Variants in PTPRM observed in about 807,000 individuals in gnomAD.
PTPRM encodes protein tyrosine phosphatase receptor type M, also known as receptor-type tyrosine-protein phosphatase mu.
A neutral mutation model predicts 186.7 loss-of-function variants in PTPRM; 47 were observed. The ratio of observed to expected loss-of-function variants is 0.25; its 90% confidence interval spans 0.20 to 0.32. The LOEUF (loss-of-function observed/expected upper bound fraction) is 0.32. PTPRM is among the 10% of genes least tolerant of loss of function. The pLI, the probability that PTPRM is intolerant of heterozygous loss-of-function variation, is 1.00. For missense variants in PTPRM, 1,494 were observed against 1,865.0 expected, an observed-to-expected ratio of 0.80 and a Z score of 3.66; for synonymous variants, 668 against 674.9, an observed-to-expected ratio of 0.99 and a Z score of 0.16.
chr18:8,269,996 G>T (rs931796523), intron 19 of PTPRM: 1 of 151,556 alleles, frequency 6.6e-6, no homozygotes, highest in African/African-American at 2.4e-5. Context: ...TTGTTTGTTT[G>T]TTTTCTTAGG....
chr18:7,945,782 G>A (rs1188682825), intron 5 of PTPRM, among the ~76,000 whole-genome samples: 3 of 152,018 alleles, frequency 2.0e-5, no homozygotes, highest in Admixed American at 6.6e-5. Context: ...ATGATATAGT[G>A]TGTGCCCCAT....
chr18:7,596,534 T>C (rs908301856), intron 1 of PTPRM, among the ~76,000 whole-genome samples: 8 of 152,200 alleles, frequency 5.3e-5, no homozygotes, highest in African/African-American at 1.9e-4. Flanking sequence ...ATTGTTGTAA[T>C]TGTTCCATTT....
chr18:8,076,198 A>C (rs2089799743), intron 8 of PTPRM, among the ~76,000 whole-genome samples: 1 of 152,132 alleles, frequency 6.6e-6, no homozygotes, highest in Non-Finnish European at 1.5e-5. Context: ...GGAAGAGTAA[A>C]AACGTTTATT....
intron 9 of PTPRM, among the ~76,000 whole-genome samples, chr18:8,082,117 C>G (rs1439992755): frequency 6.6e-6 from 1 of 151,994 alleles, no homozygotes; most frequent in South Asian, 2.1e-4. Context: ...CCCGCTCTCC[C>G]CAGGAGTAGT....
Position 8,353,962 on chromosome 18 carries a change from A to G in PTPRM, c.3054+10442A>G, listed in dbSNP as rs538006148. Among the ~76,000 whole-genome samples, 8 of 152,346 alleles carry G rather than the reference A, an allele frequency of 5.3e-5. No individual in the cohort carries two copies. The South Asian group carries it at 1.4e-3, about 28-fold the overall frequency. On this transcript the variant is annotated intron_variant, in intron 23 of 32. Coordinates refer to ENST00000580170, the MANE Select transcript of PTPRM (RefSeq NM_001105244.2). ...CGCAGTGGCTCACACCTGTAATCCC[A>G]GCACTTTGGGAGGCCGAGGCAGGTG... is the stretch of plus-strand genomic sequence containing the variant.
chr18:8,348,961 A>G (rs1182892004), intron 23 of PTPRM, among the ~76,000 whole-genome samples: 9 of 152,156 alleles, frequency 5.9e-5, no homozygotes, highest in African/African-American at 2.2e-4. Flanking sequence ...AGGGGATGGG[A>G]AGAAACCACC....
At position 8,406,622 on chromosome 18, in the gene PTPRM, A is replaced by T. The variant is rs776148194; in HGVS notation, c.*460A>T. 1.9e-5 allele frequency: 3 copies of T among 158,552 alleles called. No homozygotes were observed. The highest frequency in any genetic ancestry group is 7.2e-5 in the African/African-American group (3 of 41,468). The allele number at this position is 158,552 out of a possible 1,614,324, so 9.8% of individuals were successfully genotyped here. On this transcript the variant is annotated 3_prime_UTR_variant, in exon 33 of 33. Transcript: ENST00000580170. Reference sequence around the variant, plus strand: ...TTAACATGTTGCATAATATATGCTTATGTAGCTTTCCAGGACTAACAGATA... The same window carrying T: ...TTAACATGTTGCATAATATATGCTTTTGTAGCTTTCCAGGACTAACAGATA...
chr18:8,167,366 AG>A (rs1200543548), intron 14 of PTPRM, among the ~76,000 whole-genome samples: 1 of 152,208 alleles, frequency 6.6e-6, no homozygotes, highest in African/African-American at 2.4e-5. Context: ...TCATTGTCAC[AG>A]GGGACCAGGC....
intron 14 of PTPRM, among the ~76,000 whole-genome samples, chr18:8,213,342 A>G (rs773569336): frequency 3.9e-5 from 6 of 152,228 alleles, no homozygotes; most frequent in Non-Finnish European, 7.4e-5. Context: ...CCTTGTCAGC[A>G]TTCTTTTGAT....
At chr18:7,979,083 G>C (rs115525260) in intron 7 of PTPRM, among the ~76,000 whole-genome samples, 2 of 152,070 alleles carry the variant, frequency 1.3e-5, no homozygotes, top group Admixed American at 1.3e-4. Context: ...TGAAGCTATA[G>C]CTGTTGCCAA....
chr18:7,765,632 C>A (rs1655008980), intron 1 of PTPRM, among the ~76,000 whole-genome samples: 1 of 152,012 alleles, frequency 6.6e-6, no homozygotes, highest in Non-Finnish European at 1.5e-5. Flanking sequence ...GCCATTTATT[C>A]TACACAGTTT....
chr18:8,167,900 G>A (rs1279383717), intron 14 of PTPRM, among the ~76,000 whole-genome samples: 1 of 152,248 alleles, frequency 6.6e-6, no homozygotes, highest in Non-Finnish European at 1.5e-5. Flanking sequence ...ATGTCGCGAA[G>A]TGGCATGTTA....
At chr18:8,190,304 T>G (rs1306498182) in intron 14 of PTPRM, among the ~76,000 whole-genome samples, 1 of 152,230 alleles carries the variant, frequency 6.6e-6, no homozygotes, top group Non-Finnish European at 1.5e-5. Flanking sequence ...GGTAACCACC[T>G]ATCTTCTCCC....
At chr18:7,918,103 T>TGTGTGC (rs1194435840) in intron 4 of PTPRM, among the ~76,000 whole-genome samples, 3 of 149,622 alleles carry the variant, frequency 2.0e-5, no homozygotes, top group African/African-American at 7.4e-5. Context: ...TGTGTGTGTG[T>TGTGTGC]GTATGTGTAT....
At chr18:7,593,875 A>G (rs1489261976) in intron 1 of PTPRM, among the ~76,000 whole-genome samples, 1 of 152,182 alleles carries the variant, frequency 6.6e-6, no homozygotes, top group Non-Finnish European at 1.5e-5. Context: ...CCCACAGTTT[A>G]CAAATGTGGA....
intron 19 of PTPRM, among the ~76,000 whole-genome samples, chr18:8,261,302 G>A (rs572213000): frequency 2.6e-5 from 4 of 152,238 alleles, no homozygotes; most frequent in South Asian, 2.1e-4. Flanking sequence ...AGAATCACAC[G>A]GCTGTGTCTC....
At chr18:7,966,025 T>G (rs537848254) in intron 7 of PTPRM, among the ~76,000 whole-genome samples, 1 of 152,342 alleles carries the variant, frequency 6.6e-6, no homozygotes, top group African/African-American at 2.4e-5. Flanking sequence ...TATGAAAGAT[T>G]GATAATATGT....
At chr18:7,574,028 C>T (rs1027016253) in intron 1 of PTPRM, among the ~76,000 whole-genome samples, 21 of 152,272 alleles carry the variant, frequency 1.4e-4, no homozygotes, top group Admixed American at 2.0e-4. Context: ...TAGAACAAGC[C>T]CCCCATGGGA....
intron 3 of PTPRM, among the ~76,000 whole-genome samples, chr18:7,894,607 A>T (rs57470131): frequency 0.21 from 31,520 of 150,822 alleles, 3,538 homozygotes; most frequent in East Asian, 0.37. Context: ...ATATATATAT[A>T]TATTTTTTAA....
Sources: gnomAD v4.1 joint callset for allele counts (sites outside exome capture counted in the v4.1 genomes callset) on GRCh38, gnomAD v4.1.1 for gene constraint, MANE v1.5 for transcripts, NCBI Gene and HGNC (gene_info 2026-07-23, HGNC 2026-07-21) for gene names.